Variants in GSTT4 observed in about 807,000 individuals in gnomAD.
GSTT4 encodes the protein glutathione S-transferase theta 4.
chr22:24,003,168 T>A (rs2034273977), intron 2 of GSTT4, among the ~76,000 whole-genome samples: 1 of 143,962 alleles, frequency 6.9e-6, no homozygotes, highest in Non-Finnish European at 1.5e-5. Flanking sequence ...TAAGAACTCT[T>A]ATCTCTGAAA....
chr22:23,996,788 C>G (rs2034120789), downstream of GSTT4, among the ~76,000 whole-genome samples: 1 of 152,152 alleles, frequency 6.6e-6, no homozygotes, highest in South Asian at 2.1e-4. Flanking sequence ...TGCTTTGTAA[C>G]TTTATTTTCT....
intron 4 of GSTT4, among the ~76,000 whole-genome samples, chr22:23,999,278 G>A (rs1479737094): frequency 3.9e-5 from 6 of 152,102 alleles, no homozygotes; most frequent in Non-Finnish European, 5.9e-5. Flanking sequence ...GGGTGGGGAC[G>A]AAGCATATGG....
intron 2 of GSTT4, among the ~76,000 whole-genome samples, chr22:24,002,518 C>A (rs886826099): frequency 6.6e-6 from 1 of 152,264 alleles, no homozygotes; most frequent in Non-Finnish European, 1.5e-5. Context: ...GCAGGAGAGA[C>A]AGCAACTGGC....
intron 2 of GSTT4, among the ~76,000 whole-genome samples, chr22:24,002,044 G>A (rs1211534327): frequency 2.0e-5 from 3 of 152,254 alleles, no homozygotes; most frequent in African/African-American, 7.2e-5. Flanking sequence ...AGGGAGCAAG[G>A]TAAATCTGAA....
chr22:24,001,612 A>T (rs1001097484), intron 2 of GSTT4, among the ~76,000 whole-genome samples: 3 of 152,262 alleles, frequency 2.0e-5, no homozygotes, highest in Non-Finnish European at 4.4e-5. Flanking sequence ...GGATCACTTG[A>T]TCCCAGGAAT....
chr22:23,998,491 G>GTTAA lies in GSTT4; in HGVS notation c.*50_*51insTTAA. 3 of 96,812 alleles carry GTTAA rather than the reference G, an allele frequency of 3.1e-5. No homozygotes were observed. The highest frequency in any genetic ancestry group is 7.0e-4 in the South Asian group (2 of 2,850). The allele number at this position is 96,812 out of a possible 1,614,324, so 6.0% of individuals were successfully genotyped here. Reference sequence around the variant, plus strand: ...TTTTAACATTTCCTTTAAGGAAGGTGGCTCAGATTGCTAAGCCAGCCAGGC... The same window carrying GTTAA: ...TTTTAACATTTCCTTTAAGGAAGGTGTTAAGCTCAGATTGCTAAGCCAGCCAGGC... On this transcript the variant is annotated 3_prime_UTR_variant, in exon 5 of 5. Transcript: ENST00000621179.
downstream of GSTT4, among the ~76,000 whole-genome samples, chr22:23,997,442 C>T (rs2146223691): frequency 6.6e-6 from 1 of 152,154 alleles, no homozygotes; most frequent in South Asian, 2.1e-4. Flanking sequence ...AGGCTGTTCT[C>T]AATCTCCTGG....
At chr22:24,002,661 T>C (rs2034258423) in intron 2 of GSTT4, among the ~76,000 whole-genome samples, 2 of 152,038 alleles carry the variant, frequency 1.3e-5, no homozygotes, top group Non-Finnish European at 2.9e-5. Context: ...AAACCCCGTC[T>C]CTACTAAAAA....
downstream of GSTT4, among the ~76,000 whole-genome samples, chr22:23,995,632 A>G (rs187995787): frequency 0.068 from 5,768 of 85,158 alleles, no homozygotes; most frequent in Middle Eastern, 0.12. Flanking sequence ...GTCCATGTCT[A>G]TGTTGCCAAA....
chr22:23,994,616 C>A (rs1569036284), downstream of GSTT4, among the ~76,000 whole-genome samples: 1 of 147,166 alleles, frequency 6.8e-6, no homozygotes, highest in Non-Finnish European at 1.5e-5. Flanking sequence ...CTTCTTATGG[C>A]TGAATAATAT....
At chr22:23,991,969 C>T in the GSTT4 span, among the ~76,000 whole-genome samples, 4 of 134,714 alleles carry the variant, frequency 3.0e-5, no homozygotes, top group South Asian at 2.7e-4. Context: ...AGGAGAATGG[C>T]GTGAACCCGG....
intron 2 of GSTT4, among the ~76,000 whole-genome samples, chr22:24,001,774 C>T (rs949433118): frequency 2.8e-4 from 43 of 152,340 alleles, no homozygotes; most frequent in African/African-American, 9.1e-4. Flanking sequence ...TCCCTTGAGG[C>T]CAGGAGTTGG....
chr22:23,997,547 T>TTATTCACCAAGGGTCAAA (rs2034129147), downstream of GSTT4, among the ~76,000 whole-genome samples: 1 of 151,984 alleles, frequency 6.6e-6, no homozygotes, highest in African/African-American at 2.4e-5. Context: ...TGGTGAATAA[T>TTATTCACCAAGGGTCAAA]TTGACCCTTA....
At chr22:23,994,682 T>C (rs1488942825), downstream of GSTT4, among the ~76,000 whole-genome samples, 1 of 151,856 alleles carries the variant, frequency 6.6e-6, no homozygotes, top group Non-Finnish European at 1.5e-5. Context: ...CTACTGTGCT[T>C]ATTGTTTGTC....
At chr22:23,996,100 C>T (rs150267979), downstream of GSTT4, among the ~76,000 whole-genome samples, 13 of 152,100 alleles carry the variant, frequency 8.5e-5, no homozygotes, top group East Asian at 1.5e-3. Flanking sequence ...TGCGCCACCA[C>T]GCCCGGCTAA....
intron 2 of GSTT4, among the ~76,000 whole-genome samples, chr22:24,001,855 G>A (rs2034237262): frequency 6.6e-6 from 1 of 152,252 alleles, no homozygotes; most frequent in Admixed American, 6.5e-5. Flanking sequence ...GCTAGTTGTG[G>A]TGGCACACAC....
At chr22:23,996,232 G>A (rs754340050), downstream of GSTT4, among the ~76,000 whole-genome samples, 4 of 150,952 alleles carry the variant, frequency 2.6e-5, no homozygotes, top group Non-Finnish European at 4.4e-5. Flanking sequence ...GTGAGCCACC[G>A]TGCCCAGCCT....
At chr22:24,002,830 C>CAAAA (rs57115393) in intron 2 of GSTT4, among the ~76,000 whole-genome samples, 8 of 89,978 alleles carry the variant, frequency 8.9e-5, no homozygotes, top group Admixed American at 2.7e-4. Context: ...GACTCCGTCT[C>CAAAA]AAAAAAAAAA....
chr22:23,995,617 G>A (rs748432086), downstream of GSTT4, among the ~76,000 whole-genome samples: 3 of 132,284 alleles, frequency 2.3e-5, no homozygotes, highest in Non-Finnish European at 5.0e-5. Context: ...CAGATTTGGT[G>A]GCATGTCCAT....
Sources: allele counts gnomAD v4.1 joint callset (sites outside exome capture counted in the v4.1 genomes callset), GRCh38; gene constraint gnomAD v4.1.1; transcripts MANE v1.5; gene names NCBI Gene and HGNC (gene_info 2026-07-23, HGNC 2026-07-21).